The following AOC1 variants were observed in gnomAD, a reference collection of about 807,000 sequenced individuals.
AOC1 encodes diamine oxidase [copper-containing].
AOC1 carries 58 observed loss-of-function variants against 57.1 expected under a neutral mutation model. That is an observed-to-expected ratio of 1.02 (90% CI 0.82 to 1.26). The LOEUF (loss-of-function observed/expected upper bound fraction) is 1.26. AOC1 is among the 50% of genes most tolerant of loss of function. AOC1 has a pLI of 0.00. For missense variants in AOC1, 917 were observed against 1,005.3 expected (o/e 0.91, Z 1.19); for synonymous variants, 401 against 423.4 (o/e 0.95, Z 0.65).
chr7:150,855,085 C>T (rs1799732671), intron 1 of AOC1, among the ~76,000 whole-genome samples: 1 of 152,218 alleles, frequency 6.6e-6, no homozygotes, highest in African/African-American at 2.4e-5. Flanking sequence ...ATGCATCCAC[C>T]TTATAAATCA....
rs946623875 is a variant in AOC1 at position 150,860,386 on chromosome 7, A to G, written c.1857-115A>G. On this transcript the variant is annotated intron_variant, in intron 3 of 4. Transcript: ENST00000360937. ...TGACTCCCAGGACAGATGATCTGTC[A>G]TCTTGGGGAAGGCAATCATCTTCCT... 3.2e-6 allele frequency: 5 copies of G among 1,556,746 alleles called. 1 individual carries two copies. The highest frequency in any genetic ancestry group is 4.4e-6 in the Non-Finnish European group (5 of 1,148,240).
At position 150,852,820 on chromosome 7, in the gene AOC1, G is replaced by A. The variant is rs1007631715; in HGVS notation, c.-17+262G>A. 2.2e-4 allele frequency among the ~76,000 whole-genome samples: 33 copies of A among 152,148 alleles called. No individual in the cohort carries two copies. Among genetic ancestry groups the A allele is most frequent in the African/African-American group, 7.5e-4 (31 of 41,416 alleles). On this transcript the variant is annotated intron_variant, in intron 1 of 4. Coordinates refer to ENST00000360937, the MANE Select transcript of AOC1 (RefSeq NM_001091.4). The surrounding 1 kb of genome is among the most constrained non-coding windows in gnomAD (Gnocchi z 4.6). ...GCTTGCTTCCTGTTCCTGCCTGGAG[G>A]TCTCACCAGCCACCACCCCCACTGC...
Position 150,854,680 on chromosome 7 carries a change from G to A in AOC1, c.-16-1775G>A, listed in dbSNP as rs1301698757. 8.5e-5 allele frequency among the ~76,000 whole-genome samples: 13 copies of A among 152,292 alleles called. No individual in the cohort carries two copies. The South Asian group carries it at 2.1e-3, about 24-fold the overall frequency. On this transcript the variant is annotated intron_variant, in intron 1 of 4. Transcript: ENST00000360937. ...TTAACACATGGGTTGTGTTCCCAAC[G>A]CTTGTGCTTCGGAAATGTGATGTGT...
At chr7:150,860,226 G>A (rs1799926789) in intron 3 of AOC1, among the ~76,000 whole-genome samples, 1 of 150,046 alleles carries the variant, frequency 6.7e-6, no homozygotes, top group Non-Finnish European at 1.5e-5. Flanking sequence ...GAGAGAAAGA[G>A]GACCCATGCA....
chr7:150,857,976 C>A lies in AOC1; in HGVS notation c.1506C>A (p.His502Gln). Residue 502 changes from histidine (H) to glutamine (Q), a missense_variant, in exon 2 of 5, where the codon CAC (histidine) becomes CAA (glutamine). His to Gln is a conservative substitution (Grantham distance 24). Transcript: ENST00000360937. The surrounding 1 kb of genome is among the most constrained non-coding windows in gnomAD (Gnocchi z 6.6). ...GGCTGCGCCACGGCACTCGCCTGCA[C>A]ACCCACCTGATTGGCAACATACACA... ...PEGLRHGTRL[H>Q]THLIGNIHTH... is the part of the protein sequence containing the mutation. 6.3e-7 allele frequency: 1 copy of A among 1,589,500 alleles called. No individual in the cohort carries two copies. Among genetic ancestry groups the A allele is most frequent in the Non-Finnish European group, 8.5e-7 (1 of 1,171,984 alleles).
chr7:150,859,527 C>G (rs1182898751), intron 3 of AOC1, among the ~76,000 whole-genome samples: 2 of 151,696 alleles, frequency 1.3e-5, no homozygotes, highest in Non-Finnish European at 2.9e-5. Flanking sequence ...CACGGTGAAA[C>G]CTCATCTCTA....
chr7:150,861,322 G>A lies in AOC1; in HGVS notation c.*113G>A. On this transcript the variant is annotated 3_prime_UTR_variant, in exon 5 of 5. Transcript: ENST00000360937. The surrounding 1 kb of genome is among the most constrained non-coding windows in gnomAD (Gnocchi z 4.5). ...GTGCTGCTTCTTGCGGGGAGGCACA[G>A]GGCCATGTGTGTAGGAAACACACGA... 1 of 1,288,400 alleles carries A rather than the reference G, an allele frequency of 7.8e-7. No homozygotes were observed. The highest frequency in any genetic ancestry group is 1.6e-5 in the South Asian group (1 of 62,018). 79.8% of individuals were successfully genotyped at this position (1,288,400 alleles called of 1,614,324 possible). A position where few individuals can be genotyped will look rare whatever the true frequency, so the allele number is the denominator to read the frequency against.
In AOC1 at chr7:150,856,919, T is replaced by TCCTCTACCACA; in HGVS notation, c.452_462dup (p.Leu155SerfsTer57). ...CCCATCTCCACAGCAGAGTATGCCC[T>TCCTCTACCACA]CCTCTACCACACCCTGCAGGAAGCC... On this transcript the variant is annotated frameshift_variant, in exon 2 of 5. Transcript: ENST00000360937. LOFTEE classifies it high-confidence loss of function. The surrounding 1 kb of genome is among the most constrained non-coding windows in gnomAD (Gnocchi z 5.2). 1 of 1,614,030 alleles carries TCCTCTACCACA rather than the reference T, an allele frequency of 6.2e-7. No individual in the cohort carries two copies. Among genetic ancestry groups the TCCTCTACCACA allele is most frequent in the Non-Finnish European group, 8.5e-7 (1 of 1,179,962 alleles).
rs772488394 is a variant in AOC1 at position 150,857,131 on chromosome 7, G to A, written c.661G>A (p.Val221Met). ...GCACCCCACTGGGCTGGAGCTCCTC[G>A]TGGATCATGGGAGCACAGATGCTGG... ...FLHPTGLELLVDHGSTDAGHW... is the reference protein window; with the variant it reads ...FLHPTGLELLMDHGSTDAGHW... The change falls in exon 2 of 5, where the codon GTG becomes ATG. Residue 221 changes from valine to methionine, a missense_variant. Val to Met is a conservative substitution (Grantham distance 21, BLOSUM62 1). Coordinates refer to ENST00000360937, the MANE Select transcript of AOC1 (RefSeq NM_001091.4). The surrounding 1 kb of genome is among the most constrained non-coding windows in gnomAD (Gnocchi z 6.6). 3.7e-6 allele frequency: 6 copies of A among 1,613,872 alleles called. No individual in the cohort carries two copies. The highest frequency in any genetic ancestry group is 4.5e-5 in the East Asian group (2 of 44,886).
rs1563089979 is a variant in AOC1 at position 150,856,168 on chromosome 7, T to C, written c.-16-287T>C. On this transcript the variant is annotated intron_variant, in intron 1 of 4. Coordinates refer to ENST00000360937, the MANE Select transcript of AOC1 (RefSeq NM_001091.4). This position sits in a 1 kb window ranked among gnomAD's most constrained non-coding sequence, Gnocchi z 5.2. ...TGACTCACGGCACCCCTGGCTGAGA[T>C]AATACACAAAAACAAGGGTGTTCCC... Among the ~76,000 whole-genome samples, 2 of 152,106 alleles carry C rather than the reference T, an allele frequency of 1.3e-5. No individual in the cohort carries two copies. Among genetic ancestry groups the C allele is most frequent in the East Asian group, 1.9e-4 (1 of 5,196 alleles).
rs764571205 is a variant in AOC1 at position 150,852,845 on chromosome 7, C to T, written c.-17+287C>T. On this transcript the variant is annotated intron_variant, in intron 1 of 4. Transcript: ENST00000360937. This position sits in a 1 kb window ranked among gnomAD's most constrained non-coding sequence, Gnocchi z 4.6. ...GTCTCACCAGCCACCACCCCCACTG[C>T]CACTGCACATGGGGACAGAGGTTTG... is the stretch of plus-strand genomic sequence containing the variant. Among the ~76,000 whole-genome samples, 7 of 152,140 alleles carry T rather than the reference C, an allele frequency of 4.6e-5. No homozygotes were observed. Among genetic ancestry groups the T allele is most frequent in the Non-Finnish European group, 7.3e-5 (5 of 68,032 alleles).
Position 150,857,946 on chromosome 7 carries a change from C to G in AOC1, c.1476C>G (p.Pro492=). Residue 492 remains proline, a synonymous_variant, in exon 2 of 5, where the codon CCC becomes CCG. Coordinates refer to ENST00000360937, the MANE Select transcript of AOC1 (RefSeq NM_001091.4). The surrounding 1 kb of genome is among the most constrained non-coding windows in gnomAD (Gnocchi z 6.6). ...ACGTCCACGCCACCTTCTACACCCCCGAGGGGCTGCGCCACGGCACTCGCC... is the reference window on the plus strand; with the variant it reads ...ACGTCCACGCCACCTTCTACACCCCGGAGGGGCTGCGCCACGGCACTCGCC... ...TGYVHATFYT[P]EGLRHGTRLH... 6.2e-7 allele frequency: 1 copy of G among 1,608,270 alleles called. No homozygotes were observed. The highest frequency in any genetic ancestry group is 8.5e-7 in the Non-Finnish European group (1 of 1,178,766).
chr7:150,856,616 G>A lies in AOC1; in HGVS notation c.146G>A (p.Trp49Ter). The A allele has an allele frequency of 1.2e-6, 2 of 1,614,116 alleles. No individual in the cohort carries two copies. Among genetic ancestry groups the A allele is most frequent in the Non-Finnish European group, 1.7e-6 (2 of 1,179,982 alleles). ...QELKAVHSFL[W>*]SKKELRLQPS... ...CTGAAGGCAGTGCACAGCTTCCTCT[G>A]GTCCAAGAAGGAGCTGAGGCTGCAG... The change falls in exon 2 of 5, where the codon TGG becomes TAG. Residue 49 changes from tryptophan to a stop codon, truncating the protein, a stop_gained. Coordinates refer to ENST00000360937, the MANE Select transcript of AOC1 (RefSeq NM_001091.4). LOFTEE classifies it high-confidence loss of function. This position sits in a 1 kb window ranked among gnomAD's most constrained non-coding sequence, Gnocchi z 5.2.
intron 1 of AOC1, among the ~76,000 whole-genome samples, chr7:150,854,864 C>A (rs1208847015): frequency 6.6e-6 from 1 of 152,182 alleles, no homozygotes; most frequent in Non-Finnish European, 1.5e-5. Context: ...ATCCTCGGGG[C>A]CTCCCTTGCA....
At chr7:150,854,994 C>A (rs1799730141) in intron 1 of AOC1, among the ~76,000 whole-genome samples, 1 of 151,858 alleles carries the variant, frequency 6.6e-6, no homozygotes, top group African/African-American at 2.4e-5. Flanking sequence ...AGGTTTACCC[C>A]CAGGGCTTCT....
At position 150,852,932 on chromosome 7, in the gene AOC1, G is replaced by A. The variant is rs915559802; in HGVS notation, c.-17+374G>A. Among the ~76,000 whole-genome samples the A allele has an allele frequency of 3.9e-5, 6 of 152,258 alleles. No individual in the cohort carries two copies. Among genetic ancestry groups the A allele is most frequent in the Non-Finnish European group, 5.9e-5 (4 of 68,026 alleles). On this transcript the variant is annotated intron_variant, in intron 1 of 4. Coordinates refer to ENST00000360937, the MANE Select transcript of AOC1 (RefSeq NM_001091.4). The surrounding 1 kb of genome is among the most constrained non-coding windows in gnomAD (Gnocchi z 4.6). ...CCTTCCTGGAAAAGCAAAAAGAAACGTGGGTATAAGAGGTTGTAAAAAAGG... is the reference window on the plus strand; with the variant it reads ...CCTTCCTGGAAAAGCAAAAAGAAACATGGGTATAAGAGGTTGTAAAAAAGG...
chr7:150,857,524 G>C lies in AOC1; in HGVS notation c.1054G>C (p.Val352Leu). 1 of 1,614,004 alleles carries C rather than the reference G, an allele frequency of 6.2e-7. No homozygotes were observed. The highest frequency in any genetic ancestry group is 8.5e-7 in the Non-Finnish European group (1 of 1,180,004). Residue 352 changes from valine (V) to leucine (L), a missense_variant, in exon 2 of 5, where the codon GTG (valine) becomes CTG (leucine). By Grantham distance (32) the Val-to-Leu change is conservative. Coordinates refer to ENST00000360937, the MANE Select transcript of AOC1 (RefSeq NM_001091.4). This position sits in a 1 kb window ranked among gnomAD's most constrained non-coding sequence, Gnocchi z 6.6. ...GGERIAYEVS[V>L]QEAVALYGGH... ...AGAGCGCATTGCCTATGAGGTCAGC[G>C]TGCAAGAGGCAGTGGCGCTGTATGG...
In AOC1 at chr7:150,861,310, C is replaced by A. The variant is rs774594483; in HGVS notation, c.*101C>A. The stretch of plus-strand genomic sequence containing the variant: ...GCCTCGCTCTGTGTGCTGCTTCTTG[C>A]GGGGAGGCACAGGGCCATGTGTGTA... On this transcript the variant is annotated 3_prime_UTR_variant, in exon 5 of 5. Coordinates refer to ENST00000360937, the MANE Select transcript of AOC1 (RefSeq NM_001091.4). The surrounding 1 kb of genome is among the most constrained non-coding windows in gnomAD (Gnocchi z 4.5). 1.6e-5 allele frequency: 22 copies of A among 1,358,234 alleles called. No individual in the cohort carries two copies. The highest frequency in any genetic ancestry group is 5.6e-5 in the Admixed American group (2 of 35,592). 84.1% of individuals were successfully genotyped at this position (1,358,234 alleles called of 1,614,324 possible).
In AOC1 at chr7:150,857,797, G is replaced by T. The variant is rs1441940847; in HGVS notation, c.1327G>T (p.Ala443Ser). ...SNFKGGFNFY[A>S]GLKGQVLVLR... ...CTTTAAAGGTGGCTTCAACTTCTATGCGGGGCTGAAGGGCCAGGTGCTGGT... is the reference window on the plus strand; with the variant it reads ...CTTTAAAGGTGGCTTCAACTTCTATTCGGGGCTGAAGGGCCAGGTGCTGGT... Residue 443 changes from alanine (A) to serine (S), a missense_variant, in exon 2 of 5, where the codon GCG becomes TCG. By Grantham distance (99) the Ala-to-Ser change is moderately conservative. Transcript: ENST00000360937. The surrounding 1 kb of genome is among the most constrained non-coding windows in gnomAD (Gnocchi z 6.6). 2 of 1,614,186 alleles carry T rather than the reference G, an allele frequency of 1.2e-6. No individual in the cohort carries two copies. Among genetic ancestry groups the T allele is most frequent in the African/African-American group, 2.7e-5 (2 of 75,054 alleles).
Sources: allele counts gnomAD v4.1 joint callset (sites outside exome capture counted in the v4.1 genomes callset), GRCh38; gene constraint gnomAD v4.1.1; non-coding constraint Gnocchi (gnomAD v3.1); transcripts MANE v1.5; gene names NCBI Gene and HGNC (gene_info 2026-07-23, HGNC 2026-07-21).